Variants in SND1 observed in about 807,000 individuals in gnomAD.
The protein encoded by SND1 is staphylococcal nuclease and tudor domain containing 1, also known as staphylococcal nuclease domain-containing protein 1.
A neutral mutation model predicts 121.7 loss-of-function variants in SND1; 38 were observed. The ratio of observed to expected loss-of-function variants is 0.31; its 90% CI spans 0.24 to 0.41. The LOEUF is 0.41. Among genes scored for constraint, SND1 ranks in the 10% least tolerant of loss-of-function variants. The pLI is 1.00. For missense variants in SND1, 868 were observed against 1,184.6 expected, an observed-to-expected ratio of 0.73 and a Z score of 3.92; for synonymous variants, 401 against 447.4, an observed-to-expected ratio of 0.90 and a Z score of 1.31.
chr7:127,724,643 A>C (rs1796552317), intron 10 of SND1, among the ~76,000 whole-genome samples: 1 of 152,222 alleles, frequency 6.6e-6, no homozygotes, highest in Non-Finnish European at 1.5e-5. Flanking sequence ...TATGCCATGC[A>C]TTTTAGGTTT....
At chr7:127,952,294 G>C (rs1419711330) in intron 15 of SND1, among the ~76,000 whole-genome samples, 2 of 152,188 alleles carry the variant, frequency 1.3e-5, no homozygotes, top group East Asian at 1.9e-4. Context: ...GACATTAATA[G>C]ATTTTTGTTT....
intron 16 of SND1, among the ~76,000 whole-genome samples, chr7:128,034,563 C>A (rs1792713217): frequency 6.6e-6 from 1 of 152,182 alleles, no homozygotes; most frequent in African/African-American, 2.4e-5. Context: ...CTGTTCAGCT[C>A]CAGGCTCCAC....
At chr7:127,816,163 C>A (rs1798434744) in intron 11 of SND1, among the ~76,000 whole-genome samples, 2 of 152,184 alleles carry the variant, frequency 1.3e-5, no homozygotes, top group Non-Finnish European at 2.9e-5. Flanking sequence ...TGTCTCATGG[C>A]CATCCCAGTC....
chr7:127,751,616 A>G (rs1404177010), intron 10 of SND1, among the ~76,000 whole-genome samples: 1 of 152,232 alleles, frequency 6.6e-6, no homozygotes, highest in East Asian at 1.9e-4. Context: ...TTCTAGAGAG[A>G]CAGGCCTCAG....
chr7:127,706,894 T>A (rs2116352901), intron 8 of SND1, among the ~76,000 whole-genome samples: 1 of 152,338 alleles, frequency 6.6e-6, no homozygotes, highest in South Asian at 2.1e-4. Context: ...GAAATAATAG[T>A]TCCTTTTCAC....
chr7:127,938,148 T>A (rs1475656207), intron 15 of SND1, among the ~76,000 whole-genome samples: 2 of 152,256 alleles, frequency 1.3e-5, no homozygotes, highest in Non-Finnish European at 2.9e-5. Context: ...TTCCTGGAGC[T>A]GCTCTAGTTC....
intron 1 of SND1, among the ~76,000 whole-genome samples, chr7:127,673,556 C>T (rs1244520562): frequency 6.6e-6 from 1 of 152,176 alleles, no homozygotes; most frequent in Non-Finnish European, 1.5e-5. Flanking sequence ...AGGTGATGGG[C>T]CCACCTCAGC....
rs67595921 is a variant in SND1, at chr7:128,040,437, T to TAAA, written c.1780-34038_1780-34036dup. Reference sequence around the variant, plus strand: ...ATCAAACAGAGCAAGGTCCTATCTTTAAAAAAAAAAAAAAAAAAAAAAAAA... The same window carrying TAAA: ...ATCAAACAGAGCAAGGTCCTATCTTTAAAAAAAAAAAAAAAAAAAAAAAAAAAA... On this transcript the variant is annotated intron_variant, in intron 16 of 23. Coordinates refer to ENST00000354725, the MANE Select transcript of SND1 (RefSeq NM_014390.4). Among the ~76,000 whole-genome samples, 220 of 32,892 alleles carry TAAA rather than the reference T, an allele frequency of 6.7e-3. 19 individuals carry two copies. The highest frequency in any genetic ancestry group is 0.042 in the Middle Eastern group (1 of 24). 21.6% of individuals were successfully genotyped at this position (32,892 alleles called of 152,430 possible). A position where few individuals can be genotyped will look rare whatever the true frequency, so the allele number is the denominator to read the frequency against.
intron 18 of SND1, among the ~76,000 whole-genome samples, chr7:128,082,778 G>A (rs767105363): frequency 1.6e-4 from 24 of 151,754 alleles, no homozygotes; most frequent in African/African-American, 4.1e-4. Context: ...CAAAATCCCC[G>A]CCAGCCCACC....
chr7:128,039,730 A>C (rs1792815713), intron 16 of SND1, among the ~76,000 whole-genome samples: 2 of 152,190 alleles, frequency 1.3e-5, no homozygotes, highest in African/African-American at 4.8e-5. Context: ...AAATTGGCTA[A>C]AGTGCATTTT....
intron 15 of SND1, among the ~76,000 whole-genome samples, chr7:127,954,408 G>T (rs374895836): frequency 6.6e-6 from 1 of 151,988 alleles, no homozygotes; most frequent in East Asian, 1.9e-4. Context: ...ATTTTTGCTT[G>T]AGTTGTGCTT....
At chr7:127,735,922 G>A (rs1250365333) in intron 10 of SND1, among the ~76,000 whole-genome samples, 1 of 152,168 alleles carries the variant, frequency 6.6e-6, no homozygotes, top group African/African-American at 2.4e-5. Context: ...GGGCCACCGT[G>A]CCCAGCCTGA....
intron 15 of SND1, among the ~76,000 whole-genome samples, chr7:127,957,028 G>A (rs1801610710): frequency 6.6e-6 from 1 of 152,182 alleles, no homozygotes; most frequent in Admixed American, 6.5e-5. Context: ...GGAAAATATT[G>A]AGAGGCCGTC....
intron 16 of SND1, among the ~76,000 whole-genome samples, chr7:128,032,388 G>T (rs1792652475): frequency 6.6e-6 from 1 of 151,482 alleles, no homozygotes; most frequent in East Asian, 2.0e-4. Flanking sequence ...GCGAGCGGGC[G>T]AGCGAGCCGG....
chr7:128,019,558 A>AT (rs1487022775), intron 16 of SND1, among the ~76,000 whole-genome samples: 1 of 152,000 alleles, frequency 6.6e-6, no homozygotes, highest in Non-Finnish European at 1.5e-5. Flanking sequence ...CCTCCTCTTT[A>AT]TTTTCTCTGC....
chr7:127,863,977 A>G (rs1254740183), intron 12 of SND1, among the ~76,000 whole-genome samples: 1 of 152,176 alleles, frequency 6.6e-6, no homozygotes, highest in African/African-American at 2.4e-5. Flanking sequence ...TTTCAAAGTG[A>G]GAGAAAAGTA....
At chr7:128,090,750 G>A (rs1485452909) in intron 22 of SND1, among the ~76,000 whole-genome samples, 2 of 152,054 alleles carry the variant, frequency 1.3e-5, no homozygotes, top group African/African-American at 4.8e-5. Context: ...GGCTGTGCAG[G>A]CTGACGACTC....
intron 14 of SND1, among the ~76,000 whole-genome samples, chr7:127,907,871 T>A (rs561585966): frequency 3.9e-5 from 6 of 152,298 alleles, no homozygotes; most frequent in African/African-American, 1.4e-4. Context: ...AAGGTCAGAG[T>A]GCGTTAAAAT....
chr7:127,983,945 G>C (rs890300705), intron 15 of SND1, among the ~76,000 whole-genome samples: 1 of 152,078 alleles, frequency 6.6e-6, no homozygotes, highest in South Asian at 2.1e-4. Context: ...CCTGTTTTCA[G>C]GCTAGGCATT....
Sources: gnomAD v4.1 joint callset for allele counts (sites outside exome capture counted in the v4.1 genomes callset) on GRCh38, gnomAD v4.1.1 for gene constraint, MANE v1.5 for transcripts, NCBI Gene and HGNC (gene_info 2026-07-23, HGNC 2026-07-21) for gene names.